Variants in DLG2 observed in about 807,000 individuals in gnomAD.
DLG2 encodes the protein disks large homolog 2.
Under a neutral mutation model 132.5 loss-of-function variants are expected in DLG2, and 45 were observed. The observed-to-expected ratio is 0.34, with a 90% confidence interval of 0.27 to 0.44. The LOEUF (loss-of-function observed/expected upper bound fraction) is 0.44. DLG2 is among the 20% of genes least tolerant of loss of function. The pLI, the probability that DLG2 is intolerant of heterozygous loss-of-function variation, is 1.00. For missense variants in DLG2, 1,045 were observed against 1,196.9 expected, an observed-to-expected ratio of 0.87 and a Z score of 1.87; for synonymous variants, 424 against 419.6, an observed-to-expected ratio of 1.01 and a Z score of -0.13.
At chr11:84,532,714 C>A (rs2154520431) in intron 7 of DLG2, among the ~76,000 whole-genome samples, 1 of 152,272 alleles carries the variant, frequency 6.6e-6, no homozygotes, top group East Asian at 1.9e-4. Context: ...CCAGGCTGGT[C>A]TTGAAGTCCT....
intron 19 of DLG2, among the ~76,000 whole-genome samples, chr11:83,578,088 A>G (rs926530454): frequency 6.9e-6 from 1 of 145,678 alleles, no homozygotes; most frequent in East Asian, 2.0e-4. Flanking sequence ...ACACACACAC[A>G]CACTGTATCA....
chr11:85,098,213 C>T (rs1395764310), intron 6 of DLG2, among the ~76,000 whole-genome samples: 1 of 152,164 alleles, frequency 6.6e-6, no homozygotes, highest in Non-Finnish European at 1.5e-5. Context: ...TACTGAGTGA[C>T]TTCAAAGTCC....
chr11:84,418,628 T>C (rs184022609), intron 7 of DLG2, among the ~76,000 whole-genome samples: 1 of 152,308 alleles, frequency 6.6e-6, no homozygotes, highest in African/African-American at 2.4e-5. Flanking sequence ...ATGTCTACCT[T>C]CTGTTCATGC....
intron 3 of DLG2, among the ~76,000 whole-genome samples, chr11:85,345,721 T>G (rs1484909364): frequency 1.3e-5 from 2 of 152,060 alleles, no homozygotes; most frequent in African/African-American, 4.8e-5. Context: ...TGCCTGAAAT[T>G]ATTACCCCCA....
At chr11:85,084,983 G>A (rs1271494220) in intron 6 of DLG2, among the ~76,000 whole-genome samples, 1 of 152,116 alleles carries the variant, frequency 6.6e-6, no homozygotes, top group Non-Finnish European at 1.5e-5. Flanking sequence ...TCCATAAACT[G>A]TTAGTTTGGT....
intron 7 of DLG2, among the ~76,000 whole-genome samples, chr11:84,452,656 A>C (rs1164860341): frequency 6.6e-6 from 1 of 151,724 alleles, no homozygotes; most frequent in South Asian, 2.1e-4. Context: ...GAAAAAGAGG[A>C]GTGGCACAGA....
intron 3 of DLG2, among the ~76,000 whole-genome samples, chr11:85,443,990 C>G (rs2091900134): frequency 6.6e-6 from 1 of 152,124 alleles, no homozygotes; most frequent in South Asian, 2.1e-4. Context: ...TTGTTTTTAC[C>G]ATTGTATCAA....
At chr11:85,464,645 C>G (rs186119584) in intron 3 of DLG2, among the ~76,000 whole-genome samples, 66 of 152,160 alleles carry the variant, frequency 4.3e-4, no homozygotes, top group Middle Eastern at 3.4e-3. Context: ...GGTCACATGA[C>G]CCCTGGGCAG....
chr11:83,528,655 T>C (rs369216350), intron 21 of DLG2, among the ~76,000 whole-genome samples: 12 of 152,250 alleles, frequency 7.9e-5, no homozygotes, highest in South Asian at 4.1e-4. Context: ...CAGGCTTCTG[T>C]TGTCAAAATG....
rs535214216 is a variant in DLG2, at chr11:85,493,998, G to A, written c.40+104659C>T. Among the ~76,000 whole-genome samples, 6 of 152,228 alleles carry A rather than the reference G, an allele frequency of 3.9e-5. No homozygotes were observed. The South Asian group carries it at 6.2e-4, about 16-fold the overall frequency. The stretch of plus-strand genomic sequence containing the variant: ...ATAGTCCCTTGTTGCTGCATCCTCT[G>A]GAGGAAAGAAAAATCATGTCTTCAT... On this transcript the variant is annotated intron_variant, in intron 3 of 27. Transcript: ENST00000376104.
chr11:84,610,319 C>A (rs2099593132), intron 6 of DLG2, among the ~76,000 whole-genome samples: 1 of 151,876 alleles, frequency 6.6e-6, no homozygotes, highest in Non-Finnish European at 1.5e-5. Context: ...ACTTTTGCAA[C>A]CAGGTAACAA....
intron 6 of DLG2, among the ~76,000 whole-genome samples, chr11:85,096,009 G>A (rs189864352): frequency 2.0e-5 from 3 of 152,254 alleles, no homozygotes; most frequent in Non-Finnish European, 2.9e-5. Flanking sequence ...TCAGCACTCT[G>A]TAAAATAGCA....
chr11:85,505,254 T>C (rs1237679955), intron 3 of DLG2, among the ~76,000 whole-genome samples: 7 of 152,176 alleles, frequency 4.6e-5, no homozygotes, highest in African/African-American at 7.2e-5. Flanking sequence ...CTTCCAACAC[T>C]ATGTTGAATA....
At chr11:84,171,847 C>T (rs2095831192) in intron 8 of DLG2, among the ~76,000 whole-genome samples, 1 of 152,132 alleles carries the variant, frequency 6.6e-6, no homozygotes, top group Non-Finnish European at 1.5e-5. Context: ...TAGGACAAAA[C>T]ACATTACAAA....
intron 9 of DLG2, among the ~76,000 whole-genome samples, chr11:84,123,162 C>G (rs891060343): frequency 6.6e-6 from 1 of 152,106 alleles, no homozygotes; most frequent in African/African-American, 2.4e-5. Context: ...TGGTAAGATA[C>G]TATTTTCTGA....
chr11:85,300,979 TC>T (rs2079551415), intron 3 of DLG2, among the ~76,000 whole-genome samples: 1 of 151,956 alleles, frequency 6.6e-6, no homozygotes, highest in Non-Finnish European at 1.5e-5. Flanking sequence ...GGCGGGAGGA[TC>T]ACTTAAGGTC....
At chr11:84,862,605 T>A (rs559273568) in intron 6 of DLG2, among the ~76,000 whole-genome samples, 1 of 151,724 alleles carries the variant, frequency 6.6e-6, no homozygotes, top group East Asian at 1.9e-4. Flanking sequence ...ATAAAGAAAA[T>A]GTGGCACATA....
intron 18 of DLG2, among the ~76,000 whole-genome samples, chr11:83,705,122 T>C (rs997064972): frequency 6.6e-6 from 1 of 152,236 alleles, no homozygotes; most frequent in African/African-American, 2.4e-5. Flanking sequence ...ACCTAACTTG[T>C]ACTTGCCCTT....
intron 6 of DLG2, among the ~76,000 whole-genome samples, chr11:84,711,984 C>T (rs559292563): frequency 1.1e-4 from 17 of 152,020 alleles, no homozygotes; most frequent in Middle Eastern, 3.4e-3. Flanking sequence ...ACAGTTTACA[C>T]GGGCAAATGG....
Sources: gnomAD v4.1 joint callset for allele counts (sites outside exome capture counted in the v4.1 genomes callset) on GRCh38, gnomAD v4.1.1 for gene constraint, MANE v1.5 for transcripts, NCBI Gene and HGNC (gene_info 2026-07-23, HGNC 2026-07-21) for gene names.